The following DENND2B variants were observed in gnomAD, a reference collection of about 807,000 sequenced individuals.
DENND2B encodes the protein DENN domain containing 2B.
In DENND2B, 32 loss-of-function variants were observed where a neutral mutation model predicts 116.0. The ratio of observed to expected loss-of-function variants is 0.28; its 90% CI spans 0.21 to 0.37. DENND2B has a LOEUF of 0.37. Among genes scored for constraint, DENND2B ranks in the 10% least tolerant of loss-of-function variants. The pLI is 1.00. For missense variants in DENND2B, 1,276 were observed against 1,477.7 expected, an observed-to-expected ratio of 0.86 and a Z score of 2.24; for synonymous variants, 588 against 583.9, an observed-to-expected ratio of 1.01 and a Z score of -0.10.
chr11:8,737,320 C>A (rs532712318), intron 2 of DENND2B, among the ~76,000 whole-genome samples: 1 of 152,056 alleles, frequency 6.6e-6, no homozygotes. Flanking sequence ...CCAAGGAGAC[C>A]GATTGAGAAG....
At chr11:8,695,141 C>T (rs2040135904) in intron 19 of DENND2B, among the ~76,000 whole-genome samples, 1 of 152,078 alleles carries the variant, frequency 6.6e-6, no homozygotes, top group African/African-American at 2.4e-5. Flanking sequence ...TAAAGATGAT[C>T]TAAAGTATAT....
chr11:8,811,209 C>T (rs1016429243), upstream of DENND2B: 2 of 398,468 alleles, frequency 5.0e-6, no homozygotes, highest in Admixed American at 4.4e-5. Context: ...AATGCACTCA[C>T]ATCCCAGGAG....
At chr11:8,801,443 G>A (rs138426379) in intron 1 of DENND2B, among the ~76,000 whole-genome samples, 293 of 152,082 alleles carry the variant, frequency 1.9e-3, no homozygotes, top group Non-Finnish European at 3.4e-3. Context: ...TTGGGAGGCC[G>A]AGGCAGATGG....
At chr11:8,832,939 G>A (rs1452583483) in intron 4 of DENND2B, among the ~76,000 whole-genome samples, 5 of 152,248 alleles carry the variant, frequency 3.3e-5, no homozygotes, top group African/African-American at 1.2e-4. Context: ...GAGACCCGAA[G>A]CAATCCAGTC....
intron 4 of DENND2B, among the ~76,000 whole-genome samples, chr11:8,723,923 C>A (rs930427385): frequency 2.0e-5 from 3 of 152,244 alleles, no homozygotes; most frequent in South Asian, 2.1e-4. Flanking sequence ...GCTGTCTCCC[C>A]AGAAACAATG....
chr11:8,829,319 G>T (rs1284937185), intron 4 of DENND2B, among the ~76,000 whole-genome samples: 2 of 152,078 alleles, frequency 1.3e-5, no homozygotes, highest in Non-Finnish European at 2.9e-5. Flanking sequence ...TGGCCACAGC[G>T]CAATTCAGCA....
chr11:8,767,049 G>T (rs939766700), intron 1 of DENND2B, among the ~76,000 whole-genome samples: 1 of 152,196 alleles, frequency 6.6e-6, no homozygotes, highest in South Asian at 2.1e-4. Context: ...GCCAAGTCCA[G>T]GACCTTCTCT....
intron 1 of DENND2B, among the ~76,000 whole-genome samples, chr11:8,906,940 T>C (rs1476314353): frequency 6.6e-6 from 1 of 152,212 alleles, no homozygotes; most frequent in Non-Finnish European, 1.5e-5. Context: ...AATCACTGTC[T>C]AACTCTGGCA....
chr11:8,747,548 G>A (rs967814052), intron 2 of DENND2B, among the ~76,000 whole-genome samples: 23 of 152,142 alleles, frequency 1.5e-4, no homozygotes, highest in African/African-American at 5.3e-4. Flanking sequence ...CACCAACACA[G>A]TAAAGGCTGA....
intron 3 of DENND2B, among the ~76,000 whole-genome samples, chr11:8,850,983 C>T (rs1483670327): frequency 6.6e-6 from 1 of 152,044 alleles, no homozygotes; most frequent in Non-Finnish European, 1.5e-5. Context: ...AAGTTGAACT[C>T]ATAGAAACAG....
At chr11:8,751,454 G>A (rs374836968) in intron 1 of DENND2B, among the ~76,000 whole-genome samples, 1 of 152,048 alleles carries the variant, frequency 6.6e-6, no homozygotes, top group Non-Finnish European at 1.5e-5. Flanking sequence ...TTGTCCTTTC[G>A]CCCTGCAATA....
Position 8,730,351 on chromosome 11 carries a change from C to A in DENND2B, c.939G>T (p.Gly313=). ...AGCCCAAGGTTCCAGTCTTCCTTTT[C>A]CCCCGGTCCACGCTGTAGCAGCTGC... ...LPSSCYSVDR[G]KRKTGTLGSL... is the part of the protein sequence containing the mutation. The change falls in exon 3 of 20, where the codon GGG becomes GGT. Residue 313 remains glycine (G), a synonymous_variant. Transcript: ENST00000313726. The surrounding 1 kb of genome is among the most constrained non-coding windows in gnomAD (Gnocchi z 4.1). 1 of 1,599,332 alleles carries A rather than the reference C, an allele frequency of 6.3e-7. No homozygotes were observed. Among genetic ancestry groups the A allele is most frequent in the South Asian group, 1.1e-5 (1 of 90,460 alleles).
At chr11:8,711,035 G>T in intron 10 of DENND2B, 87 bp downstream of exon 10, 1 of 1,553,544 alleles carries the variant, frequency 6.4e-7, no homozygotes, top group Non-Finnish European at 8.9e-7. Context: ...GAGAGGATGA[G>T]ACTAGAGCAG....
At chr11:8,869,657 A>G (rs537469323) in intron 2 of DENND2B, among the ~76,000 whole-genome samples, 6 of 148,220 alleles carry the variant, frequency 4.0e-5, no homozygotes, top group South Asian at 2.1e-4. Flanking sequence ...CTCCGTCTCG[A>G]AAAAAAAAAA....
chr11:8,697,619 C>A lies in DENND2B; in HGVS notation c.2958G>T (p.Thr986=). The A allele has an allele frequency of 6.2e-7, 1 of 1,614,026 alleles. No individual in the cohort carries two copies. The highest frequency in any genetic ancestry group is 8.5e-7 in the Non-Finnish European group (1 of 1,179,842). ...RFIRQMDDED[T]LLPRKLQAAL... is the part of the protein sequence containing the mutation. Reference sequence around the variant, plus strand: ...CTGCCTGTAACTTCCTAGGTAACAACGTGTCTTCGTCGTCCATCTGCAGGA... The same window carrying A: ...CTGCCTGTAACTTCCTAGGTAACAAAGTGTCTTCGTCGTCCATCTGCAGGA... Residue 986 remains threonine (T), a synonymous_variant, in exon 17 of 20, where the codon ACG becomes ACT. Coordinates refer to ENST00000313726, the MANE Select transcript of DENND2B (RefSeq NM_213618.2).
intron 1 of DENND2B, among the ~76,000 whole-genome samples, chr11:8,783,409 T>A (rs1359229779): frequency 6.6e-6 from 1 of 152,172 alleles, no homozygotes; most frequent in Non-Finnish European, 1.5e-5. Flanking sequence ...CATTAAACAT[T>A]ATAGAGTAGC....
chr11:8,813,959 C>T (rs148715649), upstream of DENND2B, among the ~76,000 whole-genome samples: 930 of 152,272 alleles, frequency 6.1e-3, 5 homozygotes, highest in Middle Eastern at 0.027. Context: ...TAGACCAATC[C>T]TACCTGACCC....
intron 3 of DENND2B, among the ~76,000 whole-genome samples, chr11:8,849,049 T>C (rs905586854): frequency 1.4e-5 from 2 of 143,102 alleles, no homozygotes; most frequent in African/African-American, 5.2e-5. Context: ...TCGGGGTGGA[T>C]GAAAATGATG....
intron 11 of DENND2B, among the ~76,000 whole-genome samples, chr11:8,709,845 T>C (rs1419703312): frequency 2.0e-5 from 3 of 152,190 alleles, no homozygotes; most frequent in African/African-American, 7.2e-5. Context: ...AAACAACATT[T>C]ATTCCCTCTT....
Sources: gnomAD v4.1 joint callset for allele counts (sites outside exome capture counted in the v4.1 genomes callset) on GRCh38, gnomAD v4.1.1 for gene constraint, Gnocchi (gnomAD v3.1) non-coding constraint, MANE v1.5 for transcripts, NCBI Gene and HGNC (gene_info 2026-07-23, HGNC 2026-07-21) for gene names.